ZNF3: variants seen among roughly 807,000 people sequenced by gnomAD.
The protein encoded by ZNF3 is C2-H2 type zinc finger protein.
ZNF3 carries 16 observed loss-of-function variants against 36.9 expected under a neutral mutation model. The observed-to-expected ratio is 0.43, with a 90% CI of 0.29 to 0.66. The LOEUF is 0.66. Ranked by LOEUF, ZNF3 falls within the 30% of genes least tolerant of loss-of-function variation. The pLI, the probability that ZNF3 is intolerant of heterozygous loss-of-function variation, is 0.13. For missense variants in ZNF3, 462 were observed against 543.1 expected (o/e 0.85, Z 1.48); for synonymous variants, 201 against 201.9 (o/e 1.00, Z 0.04).
At chr7:100,068,196 C>T (rs1251213770), downstream of ZNF3, among the ~76,000 whole-genome samples, 3 of 152,080 alleles carry the variant, frequency 2.0e-5, no homozygotes, top group Non-Finnish European at 4.4e-5. Context: ...AAGTGATTCT[C>T]CTGCCTCAGC....
At chr7:100,078,029 C>T (rs1794398405) in intron 2 of ZNF3, among the ~76,000 whole-genome samples, 1 of 152,064 alleles carries the variant, frequency 6.6e-6, no homozygotes. Flanking sequence ...CATGCCCAGC[C>T]TCAGACTAGT....
chr7:100,074,953 G>C (rs541094557), intron 5 of ZNF3, among the ~76,000 whole-genome samples, 182 bp downstream of exon 5: 1 of 152,314 alleles, frequency 6.6e-6, no homozygotes, highest in Admixed American at 6.5e-5. Flanking sequence ...TTGGGAGGCA[G>C]AGGTGAGAAC....
downstream of ZNF3, among the ~76,000 whole-genome samples, chr7:100,069,343 C>G (rs1403938189): frequency 2.0e-5 from 3 of 152,012 alleles, no homozygotes; most frequent in Non-Finnish European, 4.4e-5. Flanking sequence ...TGCTAGAGCT[C>G]AGTTTAAGAC....
downstream of ZNF3, among the ~76,000 whole-genome samples, chr7:100,067,091 G>A (rs1230226733): frequency 6.6e-6 from 1 of 152,132 alleles, no homozygotes; most frequent in African/African-American, 2.4e-5. Context: ...CATGGTAATT[G>A]TGTCCACTTT....
chr7:100,073,640 G>A (rs547966650), intron 5 of ZNF3, among the ~76,000 whole-genome samples: 21 of 151,868 alleles, frequency 1.4e-4, no homozygotes, highest in South Asian at 6.2e-4. Flanking sequence ...ATGAGCCACC[G>A]CGCCTGGCCT....
At chr7:100,066,247 G>T (rs1792643938), downstream of ZNF3, among the ~76,000 whole-genome samples, 1 of 152,102 alleles carries the variant, frequency 6.6e-6, no homozygotes, top group Non-Finnish European at 1.5e-5. Flanking sequence ...AACACCAAGG[G>T]TTATTAGTCA....
rs374819278 is a variant in ZNF3, at chr7:100,075,563, C to T, written c.123G>A (p.Ala41=). 2.3e-5 allele frequency: 37 copies of T among 1,613,974 alleles called. No individual in the cohort carries two copies. In the Middle Eastern group the frequency reaches 8.2e-4, roughly 36 times the overall value. ...TCACCTGGGACTTGGCCTTTAGGAG[C>T]GCAGCCGCCAACATCTCATCCCCCA... ...DSLGDEMLAA[A]LLKAKSQELV... The change falls in exon 4 of 6, where the codon GCG becomes GCA. Residue 41 remains alanine, a synonymous_variant. Coordinates refer to ENST00000299667, the MANE Select transcript of ZNF3 (RefSeq NM_032924.5).
At chr7:100,069,412 C>A (rs916104992), downstream of ZNF3, among the ~76,000 whole-genome samples, 1 of 151,986 alleles carries the variant, frequency 6.6e-6, no homozygotes, top group African/African-American at 2.4e-5. Context: ...TTAGCTGGGG[C>A]GTGGTGGTGC....
downstream of ZNF3, among the ~76,000 whole-genome samples, chr7:100,068,390 T>C (rs938923870): frequency 1.3e-5 from 2 of 151,708 alleles, no homozygotes; most frequent in African/African-American, 4.8e-5. Context: ...TTTATTTGCA[T>C]AGGCTGGGCG....
chr7:100,064,707 G>A (rs886986589), exon 6 of ZNF3: 26 of 1,607,910 alleles, frequency 1.6e-5, no homozygotes, highest in South Asian at 9.9e-5. Context: ...CATCGATTCC[G>A]GTGATAGAGT....
At chr7:100,072,875 C>A (rs1198025415) in intron 5 of ZNF3, among the ~76,000 whole-genome samples, 1 of 152,230 alleles carries the variant, frequency 6.6e-6, no homozygotes, top group Non-Finnish European at 1.5e-5. Context: ...TTTCTAAAGC[C>A]AACTCTGGGC....
exon 6 of ZNF3, chr7:100,064,684 G>C (rs1562852461): frequency 6.2e-7 from 1 of 1,605,058 alleles, no homozygotes; most frequent in East Asian, 2.2e-5. Flanking sequence ...AAGAAGTCTT[G>C]TCATTGCAGC....
At chr7:100,065,377 T>C (rs961776172), downstream of ZNF3, among the ~76,000 whole-genome samples, 2 of 151,374 alleles carry the variant, frequency 1.3e-5, no homozygotes, top group Admixed American at 6.6e-5. Flanking sequence ...TGAGCCAACA[T>C]TGCGCCACTG....
downstream of ZNF3, among the ~76,000 whole-genome samples, chr7:100,067,156 A>T (rs948006229): frequency 2.6e-5 from 4 of 152,206 alleles, no homozygotes; most frequent in Non-Finnish European, 4.4e-5. Context: ...CATCCCATTA[A>T]TAACAGGGAA....
Position 100,071,472 on chromosome 7 carries a change from T to C in ZNF3, c.1012A>G (p.Lys338Glu). ...CCACATTCATTACATTCATAGGGTT[T>C]TTCTCCAGTGTGGATTCTCTGATGG... Reference protein sequence around the residue: ...IHHQRIHTGEKPYECNECGKA... With the variant: ...IHHQRIHTGEEPYECNECGKA... The change falls in exon 6 of 6, where the codon AAA becomes GAA. Residue 338 changes from lysine (K) to glutamate (E), a missense_variant. Physicochemically the swap from Lys to Glu is moderately conservative, Grantham distance 56. Transcript: ENST00000299667. 6.2e-7 allele frequency: 1 copy of C among 1,614,166 alleles called. No homozygotes were observed.
At position 100,071,167 on chromosome 7, in the gene ZNF3, CTCGG is replaced by C; in HGVS notation, c.1313_1316del (p.Thr438SerfsTer2). The C allele has an allele frequency of 2.5e-6, 4 of 1,598,448 alleles. No individual in the cohort carries two copies. Among genetic ancestry groups the C allele is most frequent in the East Asian group, 2.2e-5 (1 of 44,702 alleles). On this transcript the variant is annotated frameshift_variant, in exon 6 of 6. Transcript: ENST00000299667. LOFTEE classifies it high-confidence loss of function. ...TTCACGTGGACTCTCTGATATTTAA[CTCGG>C]TCGTAACTCTGAGGGAGCTTTTGCT...
chr7:100,071,132 G>C lies in ZNF3; in HGVS notation c.*11C>G, dbSNP rs369469788. 6.4e-7 allele frequency: 1 copy of C among 1,563,822 alleles called. No homozygotes were observed. The highest frequency in any genetic ancestry group is 8.7e-7 in the Non-Finnish European group (1 of 1,155,550). On this transcript the variant is annotated 3_prime_UTR_variant, in exon 6 of 6. Coordinates refer to ENST00000299667, the MANE Select transcript of ZNF3 (RefSeq NM_032924.5). Reference sequence around the variant, plus strand: ...CTCAGGGAAAGTGAGGAAAATGGGTGTGTGGCTCTTTCACGTGGACTCTCT... The same window carrying C: ...CTCAGGGAAAGTGAGGAAAATGGGTCTGTGGCTCTTTCACGTGGACTCTCT...
At chr7:100,073,845 G>C (rs1054794629) in intron 5 of ZNF3, among the ~76,000 whole-genome samples, 2 of 151,794 alleles carry the variant, frequency 1.3e-5, no homozygotes, top group African/African-American at 4.8e-5. Flanking sequence ...ATTAAGTCCT[G>C]AGAATAACAC....
intron 5 of ZNF3, among the ~76,000 whole-genome samples, chr7:100,074,450 T>C (rs1056027211): frequency 2.0e-5 from 3 of 152,016 alleles, no homozygotes; most frequent in African/African-American, 7.2e-5. Context: ...TTTTGGATAT[T>C]TGGTAGAGAC....
Sources: allele counts gnomAD v4.1 joint callset (sites outside exome capture counted in the v4.1 genomes callset), GRCh38; gene constraint gnomAD v4.1.1; transcripts MANE v1.5; gene names NCBI Gene and HGNC (gene_info 2026-07-23, HGNC 2026-07-21).